NAT10: variants seen among roughly 807,000 people sequenced by gnomAD.
The protein encoded by NAT10 is RNA cytidine acetyltransferase.
A neutral mutation model predicts 132.2 loss-of-function variants in NAT10; 109 were observed. The observed-to-expected ratio is 0.82, with a 90% CI of 0.71 to 0.97. The LOEUF (loss-of-function observed/expected upper bound fraction) is 0.97, where lower values mean the gene tolerates loss of function less well. Among genes scored for constraint, NAT10 ranks in the 50% least tolerant of loss-of-function variants. The probability of loss-of-function intolerance (pLI) is 0.00; values close to 1 mark genes in which losing one functional copy is unlikely to be tolerated. For synonymous variants in NAT10, 479 were observed against 478.0 expected (o/e 1.00, Z -0.03); for missense variants, 1,184 against 1,263.4 (o/e 0.94, Z 0.95).
rs927737078 is a variant in NAT10 at position 34,139,380 on chromosome 11, C to T, written c.2309-5C>T. ...CCTCTAACTCTGCGTGATGGCACCC[C>T]ACAGATTTCCGACGGCGGTTCCTAG... On this transcript the variant is annotated splice_polypyrimidine_tract_variant and splice_region_variant and intron_variant, in intron 22 of 28. Transcript: ENST00000257829. 2.5e-6 allele frequency: 4 copies of T among 1,613,928 alleles called. No homozygotes were observed. In the African/African-American group the frequency reaches 4.0e-5, roughly 16 times the overall value.
intron 21 of NAT10, 29 bp from the exon 22 acceptor site, chr11:34,139,162 G>C (rs372975010): frequency 4.7e-5 from 75 of 1,593,336 alleles, no homozygotes; most frequent in Non-Finnish European, 6.1e-5. Context: ...GGGGGTTCTT[G>C]GTGCCAGTTA....
rs1171774625 is a variant in NAT10 at position 34,132,992 on chromosome 11, G to A, written c.1618-34G>A. The A allele has an allele frequency of 1.9e-6, 3 of 1,543,654 alleles. No individual in the cohort carries two copies. In the African/African-American group the frequency reaches 4.1e-5, roughly 21 times the overall value. On this transcript the variant is annotated intron_variant, in intron 15 of 28. Transcript: ENST00000257829. Reference sequence around the variant, plus strand: ...TTTTGCGTAAAGGGCAAGAGGAAGAGTGCTTCTCACTGACCCGTGTTTGGC... The same window carrying A: ...TTTTGCGTAAAGGGCAAGAGGAAGAATGCTTCTCACTGACCCGTGTTTGGC...
At chr11:34,140,944 A>G (rs1037200945) in intron 24 of NAT10, 145 bp from the exon 25 acceptor site, 1 of 1,125,028 alleles carries the variant, frequency 8.9e-7, no homozygotes, top group South Asian at 1.5e-5. Flanking sequence ...CAGTAACAGG[A>G]TGAAAGAGAA....
In NAT10 at chr11:34,137,107, G is replaced by A. The variant is rs1852231715; in HGVS notation, c.2211+81G>A. ...AGGCCTGTCCTTGCAAAGAGCCCTA[G>A]TGCCTCCCTGCTGCATCGCTCTGAG... is the stretch of plus-strand genomic sequence containing the variant. On this transcript the variant is annotated intron_variant, in intron 21 of 28. Transcript: ENST00000257829. The A allele has an allele frequency of 6.8e-6, 10 of 1,460,142 alleles. No individual in the cohort carries two copies. The East Asian group carries it at 1.4e-4, about 20-fold the overall frequency. The allele number at this position is 1,460,142 out of a possible 1,614,324, so 90.4% of individuals were successfully genotyped here. A position where few individuals can be genotyped will look rare whatever the true frequency, so the allele number is the denominator to read the frequency against.
intron 1 of NAT10, chr11:34,107,443 T>G (rs958948018): frequency 6.6e-6 from 1 of 152,246 alleles, no homozygotes; most frequent in Admixed American, 6.5e-5. Context: ...AACACGTGAA[T>G]TTTTTAAGAT....
In NAT10 at chr11:34,112,139, C is replaced by T. The variant is rs1565106603; in HGVS notation, c.288C>T (p.Phe96=). 6.2e-7 allele frequency: 1 copy of T among 1,614,258 alleles called. No homozygotes were observed. The highest frequency in any genetic ancestry group is 8.5e-7 in the Non-Finnish European group (1 of 1,180,046). Residue 96 remains phenylalanine, a synonymous_variant, in exon 4 of 29, where the codon TTC becomes TTT. Transcript: ENST00000257829. ...AGCAGGACGACCCCTTTGAACTCTT[C>T]ATAGCAGCCACAAACATTCGCTACT... ...NIKQDDPFEL[F]IAATNIRYCY...
chr11:34,131,626 C>A, intron 14 of NAT10, 95 bp downstream of exon 14: 1 of 1,261,694 alleles, frequency 7.9e-7, no homozygotes, highest in Non-Finnish European at 1.1e-6. Context: ...GGATGCTGCT[C>A]TAGAGAAAGG....
At chr11:34,119,974 A>G (rs1449315750) in intron 8 of NAT10, among the ~76,000 whole-genome samples, 1 of 152,178 alleles carries the variant, frequency 6.6e-6, no homozygotes, top group Non-Finnish European at 1.5e-5. Flanking sequence ...CTTTTTCTCT[A>G]CACCCTCGCA....
intron 11 of NAT10, 133 bp from the exon 12 acceptor site, chr11:34,127,330 G>A (rs1225725006): frequency 1.9e-6 from 2 of 1,070,300 alleles, no homozygotes; most frequent in African/African-American, 1.6e-5. Flanking sequence ...GGAAAAAGTA[G>A]AAAGGAGGAA....
chr11:34,131,942 C>T (rs1852113444), intron 14 of NAT10, among the ~76,000 whole-genome samples, 183 bp from the exon 15 acceptor site: 1 of 152,052 alleles, frequency 6.6e-6, no homozygotes, highest in South Asian at 2.1e-4. Flanking sequence ...CCTCAGCCTC[C>T]CAAAGTGCTG....
intron 23 of NAT10, 56 bp downstream of exon 23, chr11:34,139,551 T>G (rs1044654508): frequency 1.4e-6 from 2 of 1,470,452 alleles, no homozygotes; most frequent in Admixed American, 1.7e-5. Context: ...GTGTGGGAGG[T>G]GGGTGTGGTG....
intron 12 of NAT10, among the ~76,000 whole-genome samples, chr11:34,127,800 A>G (rs901535197): frequency 6.6e-6 from 1 of 152,224 alleles, no homozygotes; most frequent in Non-Finnish European, 1.5e-5. Flanking sequence ...CTGGCCCGAC[A>G]TGAAATGGGC....
At chr11:34,138,412 CAG>C (rs1852256782) in intron 21 of NAT10, among the ~76,000 whole-genome samples, 1 of 152,168 alleles carries the variant, frequency 6.6e-6, no homozygotes, top group Non-Finnish European at 1.5e-5. Context: ...AAGTCAGTAT[CAG>C]AGGCTAGTGT....
intron 12 of NAT10, among the ~76,000 whole-genome samples, chr11:34,128,367 A>C (rs11032519): frequency 0.075 from 11,463 of 151,888 alleles, 720 homozygotes; most frequent in East Asian, 0.25. Flanking sequence ...CAAAACAAAA[A>C]AAAAAAAAAA....
At chr11:34,143,353 G>T in intron 27 of NAT10, 92 bp from the exon 28 acceptor site, 1 of 1,116,778 alleles carries the variant, frequency 9.0e-7, no homozygotes. Flanking sequence ...GACAGGAAGT[G>T]TCTGATAAGA....
At chr11:34,123,618 A>G in intron 9 of NAT10, 144 bp from the exon 10 acceptor site, 1 of 588,144 alleles carries the variant, frequency 1.7e-6, no homozygotes, top group Admixed American at 3.2e-5. Context: ...TTTCCTTCCC[A>G]AAAGGTGTCC....
intron 4 of NAT10, among the ~76,000 whole-genome samples, chr11:34,113,412 G>A (rs1171488510): frequency 6.6e-6 from 1 of 152,028 alleles, no homozygotes; most frequent in Non-Finnish European, 1.5e-5. Flanking sequence ...GTACCCCTGT[G>A]TGTGTATCCT....
chr11:34,121,399 C>A (rs999052073), intron 8 of NAT10, among the ~76,000 whole-genome samples: 2 of 152,068 alleles, frequency 1.3e-5, no homozygotes, highest in Admixed American at 1.3e-4. Context: ...GCTGACGAAT[C>A]AAGTTATCAG....
rs1852186746 is a variant in NAT10 at position 34,135,202 on chromosome 11, C to T, written c.1939C>T (p.Leu647=). The change falls in exon 19 of 29, where the codon CTG becomes TTG. Residue 647 remains leucine, a synonymous_variant. Transcript: ENST00000257829. ...GMGYGSRALQ[L]LQMYYEGRFP... is the part of the protein sequence containing the mutation. ...GGGCTATGGCAGCCGTGCTCTGCAG[C>T]TGCTGCAGATGTACTATGAAGGCAG... 6.2e-7 allele frequency: 1 copy of T among 1,614,042 alleles called. No homozygotes were observed. Among genetic ancestry groups the T allele is most frequent in the African/African-American group, 1.3e-5 (1 of 74,924 alleles).
Sources: gnomAD v4.1 joint callset for allele counts (sites outside exome capture counted in the v4.1 genomes callset) on GRCh38, gnomAD v4.1.1 for gene constraint, MANE v1.5 for transcripts, NCBI Gene and HGNC (gene_info 2026-07-23, HGNC 2026-07-21) for gene names.